PCDHGA1: variants seen among roughly 807,000 people sequenced by gnomAD.
PCDHGA1 encodes protocadherin gamma subfamily A, 1.
PCDHGA1 carries 32 observed loss-of-function variants against 58.0 expected under a neutral mutation model. The ratio of observed to expected loss-of-function variants is 0.55; its 90% CI spans 0.42 to 0.74. The LOEUF is 0.74. Ranked by LOEUF, PCDHGA1 falls within the 30% of genes least tolerant of loss-of-function variation. The probability of loss-of-function intolerance (pLI) is 0.00; values close to 1 mark genes in which losing one functional copy is unlikely to be tolerated. For synonymous variants in PCDHGA1, 498 were observed against 501.1 expected (o/e 0.99, Z 0.08); for missense variants, 1,205 against 1,182.3 (o/e 1.02, Z -0.28).
rs200317374 is a variant in PCDHGA1 at position 141,408,395 on chromosome 5, A to G, written c.2421+75290A>G. On this transcript the variant is annotated intron_variant, in intron 1 of 3. Coordinates refer to ENST00000517417, the MANE Select transcript of PCDHGA1 (RefSeq NM_018912.3). ...CAGTGTCCTGGATGTGTCGGCTCGC[A>G]AGCTGCGAGTGAGCGCGGAGAAGCT... 8.8e-3 allele frequency: 14,159 copies of G among 1,613,888 alleles called. 310 individuals are homozygous for G. Among genetic ancestry groups the G allele is most frequent in the South Asian group, 0.064 (5,857 of 91,072 alleles).
chr5:141,434,650 C>A (rs931043426), intron 1 of PCDHGA1, among the ~76,000 whole-genome samples: 6 of 152,092 alleles, frequency 3.9e-5, no homozygotes, highest in Non-Finnish European at 5.9e-5. Context: ...TTTAGTTAAT[C>A]TAATATCTAT....
In PCDHGA1 at chr5:141,486,531, C is replaced by T; in HGVS notation, c.2422-8276C>T. The T allele has an allele frequency of 6.2e-7, 1 of 1,614,062 alleles. No homozygotes were observed. Among genetic ancestry groups the T allele is most frequent in the Non-Finnish European group, 8.5e-7 (1 of 1,180,020 alleles). Reference sequence around the variant, plus strand: ...ATTTCAGATGTGAATGATAATCCACCCTCTTTCTTTCAGAGGTCACATGAG... The same window carrying T: ...ATTTCAGATGTGAATGATAATCCACTCTCTTTCTTTCAGAGGTCACATGAG... On this transcript the variant is annotated intron_variant, in intron 1 of 3. Transcript: ENST00000517417. This position sits in a 1 kb window ranked among gnomAD's most constrained non-coding sequence, Gnocchi z 5.0.
chr5:141,350,959 T>C, intron 1 of PCDHGA1: 3 of 1,614,092 alleles, frequency 1.9e-6, no homozygotes, highest in Non-Finnish European at 2.5e-6. Context: ...CGGATGCCAA[T>C]GATAATGCTC....
chr5:141,394,202 G>A (rs1285720796), intron 1 of PCDHGA1: 2 of 1,613,832 alleles, frequency 1.2e-6, no homozygotes, highest in Non-Finnish European at 1.7e-6. Context: ...ATATCCTAGA[G>A]AACAACCTGA....
At chr5:141,400,538 A>G (rs994052728) in intron 1 of PCDHGA1, 1 of 1,613,662 alleles carries the variant, frequency 6.2e-7, no homozygotes, top group African/African-American at 1.3e-5. Context: ...AGTTTCATTT[A>G]TGTCTATTCT....
Position 141,331,620 on chromosome 5 carries a change from C to G in PCDHGA1, c.936C>G (p.Tyr312Ter). Reference sequence around the variant, plus strand: ...AAGAACCACTAGATTTCGAAGAATACAAAATGTATTCAATGGAAGTTCAAG... The same window carrying G: ...AAGAACCACTAGATTTCGAAGAATAGAAAATGTATTCAATGGAAGTTCAAG... ...SNKEPLDFEE[Y>*]KMYSMEVQAQ... The change falls in exon 1 of 4, where the codon TAC becomes TAG. Residue 312 changes from tyrosine to a stop codon, truncating the protein, a stop_gained. Transcript: ENST00000517417. LOFTEE classifies it high-confidence loss of function. The G allele has an allele frequency of 6.2e-7, 1 of 1,614,044 alleles. No individual in the cohort carries two copies. The highest frequency in any genetic ancestry group is 8.5e-7 in the Non-Finnish European group (1 of 1,180,010).
chr5:141,361,370 GGGA>G, intron 1 of PCDHGA1: 1 of 1,613,942 alleles, frequency 6.2e-7, no homozygotes. Context: ...GCTCTGGACC[GGGA>G]GGAGATCCCA....
chr5:141,422,056 G>C lies in PCDHGA1; in HGVS notation c.2422-72751G>C, dbSNP rs1003977721. 1.2e-6 allele frequency: 2 copies of C among 1,611,816 alleles called. No individual in the cohort carries two copies. The highest frequency in any genetic ancestry group is 2.7e-5 in the African/African-American group (2 of 74,764). ...GGATCCAGACGAGGGAATCAACGGG[G>C]AAGTAATGTATTCATTTCGGAACAT... On this transcript the variant is annotated intron_variant, in intron 1 of 3. Transcript: ENST00000517417.
chr5:141,440,693 C>T (rs2098194597), intron 1 of PCDHGA1: 1 of 152,136 alleles, frequency 6.6e-6, no homozygotes, highest in Non-Finnish European at 1.5e-5. Context: ...GTAAAAGTGA[C>T]CAACAGTGGA....
chr5:141,372,455 G>C, intron 1 of PCDHGA1: 1 of 1,614,060 alleles, frequency 6.2e-7, no homozygotes, highest in Non-Finnish European at 8.5e-7. Flanking sequence ...CTCAGGCGGA[G>C]CTACAGTTTC....
chr5:141,411,285 A>C (rs2095477948), intron 1 of PCDHGA1: 1 of 152,218 alleles, frequency 6.6e-6, no homozygotes, highest in South Asian at 2.1e-4. Flanking sequence ...AAAAATATTC[A>C]GAAGACAGGC....
intron 1 of PCDHGA1, chr5:141,383,918 T>A (rs1779590334): frequency 3.7e-6 from 6 of 1,613,948 alleles, no homozygotes; most frequent in Non-Finnish European, 5.1e-6. Flanking sequence ...GTTTTAGATG[T>A]AAATGATAAT....
intron 1 of PCDHGA1, chr5:141,399,525 C>G: frequency 6.2e-7 from 1 of 1,614,058 alleles, no homozygotes; most frequent in Non-Finnish European, 8.5e-7. Flanking sequence ...CTGGGGCCTC[C>G]ATCGCGCAAG....
At position 141,432,580 on chromosome 5, in the gene PCDHGA1, T is replaced by C. The variant is rs773087131; in HGVS notation, c.2422-62227T>C. 20 of 1,613,202 alleles carry C rather than the reference T, an allele frequency of 1.2e-5. No individual in the cohort carries two copies. The highest frequency in any genetic ancestry group is 4.0e-5 in the African/African-American group (3 of 74,662). On this transcript the variant is annotated intron_variant, in intron 1 of 3. Transcript: ENST00000517417. The surrounding 1 kb of genome is among the most constrained non-coding windows in gnomAD (Gnocchi z 6.0). ...GCCAGAACGCCTGGCTGTCCTACCG[T>C]CTGCTCAAGGCCAGCGAGCCGGGAC... is the stretch of plus-strand genomic sequence containing the variant.
Position 141,441,798 on chromosome 5 carries a change from CGGGT to C in PCDHGA1, c.2422-53007_2422-53004del, listed in dbSNP as rs1242635625. 6.4e-4 allele frequency: 248 copies of C among 387,326 alleles called. 2 individuals are homozygous for C. The highest frequency in any genetic ancestry group is 4.8e-3 in the African/African-American group (220 of 46,120). 24.0% of individuals were successfully genotyped at this position (387,326 alleles called of 1,614,324 possible). A position where few individuals can be genotyped will look rare whatever the true frequency, so the allele number is the denominator to read the frequency against. ...GGACGACCTGAATGACAACGCACCG[CGGGT>C]GCTGTACCCCAGCTCTGGAGCGCAA... On this transcript the variant is annotated intron_variant, in intron 1 of 3. Transcript: ENST00000517417.
In PCDHGA1 at chr5:141,402,676, C is replaced by T. The variant is rs746643713; in HGVS notation, c.2421+69571C>T. 2.0e-5 allele frequency among the ~76,000 whole-genome samples: 3 copies of T among 152,282 alleles called. No homozygotes were observed. The East Asian group carries it at 5.8e-4, about 29-fold the overall frequency. ...GAGTAGTGTTTTCTTTATCAGCCAT[C>T]TGATATAATGTTACACATCAGTGGG... On this transcript the variant is annotated intron_variant, in intron 1 of 3. Transcript: ENST00000517417.
chr5:141,421,102 T>A (rs1420706532), intron 1 of PCDHGA1: 2 of 691,286 alleles, frequency 2.9e-6, no homozygotes, highest in Admixed American at 6.2e-5. Context: ...CACTGGAGAC[T>A]TAGAAGTATT....
chr5:141,506,180 G>T (rs548366782), intron 3 of PCDHGA1, among the ~76,000 whole-genome samples: 44 of 152,294 alleles, frequency 2.9e-4, no homozygotes, highest in Non-Finnish European at 5.7e-4. Context: ...GCTGGGCGTG[G>T]TGGCTCACGC....
intron 1 of PCDHGA1, chr5:141,403,465 G>C (rs1268345736): frequency 6.2e-7 from 1 of 1,614,018 alleles, no homozygotes; most frequent in Non-Finnish European, 8.5e-7. Context: ...AGAGCTACCA[G>C]CTCAGCCCCA....
Sources: allele counts gnomAD v4.1 joint callset (sites outside exome capture counted in the v4.1 genomes callset), GRCh38; gene constraint gnomAD v4.1.1; non-coding constraint Gnocchi (gnomAD v3.1); transcripts MANE v1.5; gene names NCBI Gene and HGNC (gene_info 2026-07-23, HGNC 2026-07-21).